Variants in EVI5 observed in about 807,000 individuals in gnomAD.
EVI5 encodes the protein ecotropic viral integration site 5.
Under a neutral mutation model 112.0 loss-of-function variants are expected in EVI5, and 73 were observed. The ratio of observed to expected loss-of-function variants is 0.65; its 90% CI spans 0.54 to 0.79. EVI5 has a LOEUF of 0.79. EVI5 is among the 30% of genes least tolerant of loss of function. EVI5 has a pLI of 0.00. For missense variants in EVI5, 900 were observed against 968.8 expected (o/e 0.93, Z 0.94); for synonymous variants, 305 against 319.9 (o/e 0.95, Z 0.50).
intron 18 of EVI5, among the ~76,000 whole-genome samples, chr1:92,602,959 G>A (rs527946196): frequency 6.6e-6 from 1 of 152,180 alleles, no homozygotes; most frequent in African/African-American, 2.4e-5. Context: ...TGATAAGAAA[G>A]TGATACTGAG....
At chr1:92,704,850 AAT>A (rs1671728394) in intron 2 of EVI5, 106 bp from the exon 3 acceptor site, 1 of 446,992 alleles carries the variant, frequency 2.2e-6, no homozygotes, top group African/African-American at 2.0e-5. Context: ...ATTGTTTTAA[AAT>A]ATAGTTTTAA....
chr1:92,693,751 G>T, intron 9 of EVI5, 51 bp downstream of exon 9: 1 of 949,612 alleles, frequency 1.1e-6, no homozygotes, highest in Non-Finnish European at 1.7e-6. Flanking sequence ...TGTATCACTA[G>T]AATGTTTTGC....
At chr1:92,670,639 C>A (rs1665715930) in intron 10 of EVI5, among the ~76,000 whole-genome samples, 2 of 152,090 alleles carry the variant, frequency 1.3e-5, no homozygotes, top group Admixed American at 6.5e-5. Flanking sequence ...TCACTAAATT[C>A]AATATGGTTC....
intron 19 of EVI5, among the ~76,000 whole-genome samples, chr1:92,556,341 C>G: frequency 6.6e-6 from 1 of 151,720 alleles, no homozygotes; most frequent in East Asian, 1.9e-4. Context: ...GGATTACAGG[C>G]GTGAGCCACT....
intron 13 of EVI5, among the ~76,000 whole-genome samples, chr1:92,642,292 T>C (rs1660142333): frequency 6.6e-6 from 1 of 152,226 alleles, no homozygotes; most frequent in Non-Finnish European, 1.5e-5. Flanking sequence ...GAAAACAATT[T>C]CCATTAAAGT....
chr1:92,754,938 G>C (rs1227572897), intron 1 of EVI5, among the ~76,000 whole-genome samples: 1 of 151,848 alleles, frequency 6.6e-6, no homozygotes, highest in African/African-American at 2.4e-5. Flanking sequence ...AATGTAAAAG[G>C]GCATGTTTAT....
chr1:92,643,291 CTTT>C (rs34807551), intron 13 of EVI5, among the ~76,000 whole-genome samples: 75,617 of 123,140 alleles, frequency 0.61, 22,986 homozygotes, highest in East Asian at 0.88. Flanking sequence ...TAACTCAAAT[CTTT>C]TTTTTTTTTT....
chr1:92,586,386 C>T lies in EVI5; in HGVS notation c.2070+18921G>A, dbSNP rs189248603. 4.2e-4 allele frequency among the ~76,000 whole-genome samples: 64 copies of T among 152,188 alleles called. 2 individuals are homozygous for T. The highest frequency in any genetic ancestry group is 3.9e-3 in the Admixed American group (60 of 15,282). On this transcript the variant is annotated intron_variant, in intron 18 of 19. Transcript: ENST00000684568. Reference sequence around the variant, plus strand: ...CTTAACTCACATTTATTAATTTAATCATCATTTAAATCAATATAGGCTCAT... The same window carrying T: ...CTTAACTCACATTTATTAATTTAATTATCATTTAAATCAATATAGGCTCAT...
At chr1:92,620,814 A>G (rs909383219) in intron 16 of EVI5, among the ~76,000 whole-genome samples, 2 of 152,186 alleles carry the variant, frequency 1.3e-5, no homozygotes, top group African/African-American at 4.8e-5. Context: ...CTGAAACAGA[A>G]TATCTTGAAG....
At position 92,665,896 on chromosome 1, in the gene EVI5, C is replaced by T. The variant is rs759129520; in HGVS notation, c.1212+43G>A. On this transcript the variant is annotated intron_variant, in intron 11 of 19. Coordinates refer to ENST00000684568, the MANE Select transcript of EVI5 (RefSeq NM_001350197.2). Reference sequence around the variant, plus strand: ...TTTTAATAAATATACAGAAAAAACACCAGGCATTCAACAGAAGCTTGCATA... The same window carrying T: ...TTTTAATAAATATACAGAAAAAACATCAGGCATTCAACAGAAGCTTGCATA... 5 of 1,350,648 alleles carry T rather than the reference C, an allele frequency of 3.7e-6. No homozygotes were observed. In the East Asian group the frequency reaches 9.3e-5, roughly 25 times the overall value. The allele number at this position is 1,350,648 out of a possible 1,614,324, so 83.7% of individuals were successfully genotyped here.
At chr1:92,664,028 G>T (rs766924369) in intron 11 of EVI5, among the ~76,000 whole-genome samples, 1 of 152,210 alleles carries the variant, frequency 6.6e-6, no homozygotes, top group Non-Finnish European at 1.5e-5. Context: ...GATCATAGGC[G>T]TGAGCCACTG....
At chr1:92,730,088 A>C (rs1356670999) in intron 2 of EVI5, among the ~76,000 whole-genome samples, 1 of 152,210 alleles carries the variant, frequency 6.6e-6, no homozygotes, top group African/African-American at 2.4e-5. Context: ...AAGAGGTGTC[A>C]AGTGCAATAG....
chr1:92,740,906 G>C (rs558904648), intron 1 of EVI5, among the ~76,000 whole-genome samples: 5 of 152,090 alleles, frequency 3.3e-5, no homozygotes, highest in Non-Finnish European at 7.4e-5. Context: ...CACATGGTAT[G>C]GTTTTTAGGG....
intron 19 of EVI5, among the ~76,000 whole-genome samples, chr1:92,558,884 A>T (rs973415078): frequency 2.0e-5 from 3 of 151,808 alleles, no homozygotes; most frequent in Non-Finnish European, 4.4e-5. Flanking sequence ...AAAAACCCAA[A>T]CAACACCAAC....
intron 19 of EVI5, among the ~76,000 whole-genome samples, chr1:92,540,002 T>C (rs1664541577): frequency 6.6e-6 from 1 of 152,212 alleles, no homozygotes; most frequent in Non-Finnish European, 1.5e-5. Context: ...TTATCATCCA[T>C]GTTGTGGCAT....
intron 2 of EVI5, among the ~76,000 whole-genome samples, chr1:92,716,006 T>C (rs531932748): frequency 1.3e-5 from 2 of 152,212 alleles, no homozygotes; most frequent in Admixed American, 1.3e-4. Flanking sequence ...GCTTGCTATC[T>C]CTATAAACTC....
chr1:92,731,855 C>T (rs1206668421), intron 2 of EVI5: 1 of 152,128 alleles, frequency 6.6e-6, no homozygotes, highest in Non-Finnish European at 1.5e-5. Flanking sequence ...AAAAAATGAA[C>T]TCCAAATGTA....
chr1:92,703,932 CAAA>C (rs57830016), intron 3 of EVI5: 28 of 82,008 alleles, frequency 3.4e-4, no homozygotes, highest in South Asian at 9.4e-4. Flanking sequence ...CTGTTGAAGG[CAAA>C]AAAAAAAAAA....
intron 5 of EVI5, among the ~76,000 whole-genome samples, chr1:92,700,199 C>T (rs1670932976): frequency 1.3e-5 from 2 of 152,196 alleles, no homozygotes; most frequent in East Asian, 1.9e-4. Flanking sequence ...ATAACTTTCT[C>T]TGTGACTCTG....
Sources: gnomAD v4.1 joint callset for allele counts (sites outside exome capture counted in the v4.1 genomes callset) on GRCh38, gnomAD v4.1.1 for gene constraint, MANE v1.5 for transcripts, NCBI Gene and HGNC (gene_info 2026-07-23, HGNC 2026-07-21) for gene names.